The following MYO18A variants were observed in gnomAD, a reference collection of about 807,000 sequenced individuals.
The protein encoded by MYO18A is unconventional myosin-XVIIIa.
A neutral mutation model predicts 235.8 loss-of-function variants in MYO18A; 78 were observed. The ratio of observed to expected loss-of-function variants is 0.33; its 90% CI spans 0.28 to 0.40. MYO18A has a LOEUF of 0.40. MYO18A is among the 10% of genes least tolerant of loss of function. MYO18A has a pLI of 1.00. For missense variants in MYO18A, 2,215 were observed against 2,699.3 expected (o/e 0.82, Z 3.98); for synonymous variants, 977 against 1,077.8 (o/e 0.91, Z 1.83).
chr17:29,098,680 C>T, intron 23 of MYO18A, 146 bp downstream of exon 23: 1 of 1,220,244 alleles, frequency 8.2e-7, no homozygotes, highest in Non-Finnish European at 1.1e-6. Flanking sequence ...GCTCAGCCAG[C>T]ACCCCAGAGG....
chr17:29,082,059 T>C (rs1319365870), intron 41 of MYO18A, among the ~76,000 whole-genome samples: 3 of 152,092 alleles, frequency 2.0e-5, no homozygotes, highest in Non-Finnish European at 4.4e-5. Flanking sequence ...AATGAATAAG[T>C]GGAGGTGACA....
At chr17:29,131,216 A>AG (rs1172222582) in intron 2 of MYO18A, among the ~76,000 whole-genome samples, 1 of 152,184 alleles carries the variant, frequency 6.6e-6, no homozygotes, top group Non-Finnish European at 1.5e-5. Flanking sequence ...CCACACAGGA[A>AG]GGGGCCCCCT....
chr17:29,153,149 G>C (rs889313398), intron 2 of MYO18A, among the ~76,000 whole-genome samples: 1 of 151,554 alleles, frequency 6.6e-6, no homozygotes, highest in Non-Finnish European at 1.5e-5. Flanking sequence ...TTGAGACAGG[G>C]TCTTGCTCTG....
chr17:29,137,513 T>C (rs1366061797), intron 2 of MYO18A, among the ~76,000 whole-genome samples: 1 of 152,138 alleles, frequency 6.6e-6, no homozygotes, highest in Admixed American at 6.5e-5. Context: ...TCGTGAACAA[T>C]AGCCACAAAA....
chr17:29,110,524 C>G lies in MYO18A; in HGVS notation c.2999G>C (p.Arg1000Pro), dbSNP rs764393653. ...GGTTTTCCGCATGCTGGTGGCCCGG[C>G]GCAGTGCCAGCTGCGAGCCGCCCTC... is the stretch of plus-strand genomic sequence containing the variant. ...GLEGGSQLAL[R>P]RATSMRKTFT... Residue 1000 changes from arginine (R) to proline (P), a missense_variant, in exon 18 of 42, where the codon CGC (arginine) becomes CCC (proline). Coordinates refer to ENST00000527372, the MANE Select transcript of MYO18A (RefSeq NM_078471.4). The G allele has an allele frequency of 6.2e-7, 1 of 1,607,904 alleles. No individual in the cohort carries two copies. Among genetic ancestry groups the G allele is most frequent in the Non-Finnish European group, 8.5e-7 (1 of 1,177,512 alleles).
rs568498084 is a variant in MYO18A at position 29,133,516 on chromosome 17, T to C, written c.1000-11263A>G. Among the ~76,000 whole-genome samples, 34 of 151,738 alleles carry C rather than the reference T, an allele frequency of 2.2e-4. 1 individual carries two copies. The South Asian group carries it at 6.0e-3, about 27-fold the overall frequency. ...CAAGGCAGCAGGGTGGTGGGAAGGG[T>C]GTGGAGGGGTTAACCCAGAGGGACA... is the stretch of plus-strand genomic sequence containing the variant. On this transcript the variant is annotated intron_variant, in intron 2 of 41. Coordinates refer to ENST00000527372, the MANE Select transcript of MYO18A (RefSeq NM_078471.4).
intron 2 of MYO18A, among the ~76,000 whole-genome samples, chr17:29,144,902 G>A (rs1245944196): frequency 6.6e-6 from 1 of 152,126 alleles, no homozygotes; most frequent in Non-Finnish European, 1.5e-5. Context: ...TGCTCACAAA[G>A]TATAGTACAC....
intron 22 of MYO18A, 44 bp downstream of exon 22, chr17:29,099,590 C>T (rs780716371): frequency 6.3e-6 from 10 of 1,592,522 alleles, no homozygotes; most frequent in Non-Finnish European, 8.6e-6. Context: ...CTTGGCTGTG[C>T]CCATCTAGGT....
At position 29,092,440 on chromosome 17, in the gene MYO18A, A is replaced by C; in HGVS notation, c.5090T>G (p.Phe1697Cys). ...TGCTTTCACGGCTGCCGCACAGGTG[A>C]ACTCTGACTCCTCCAGCTGGACACA... ...QLKNQLEESE[F>C]TCAAAVKARK... is the part of the protein sequence containing the mutation. The change falls in exon 34 of 42, where the codon TTC (phenylalanine) becomes TGC (cysteine). Residue 1697 changes from phenylalanine (F) to cysteine (C), a missense_variant. Transcript: ENST00000527372. 6.2e-7 allele frequency: 1 copy of C among 1,611,756 alleles called. No individual in the cohort carries two copies. Among genetic ancestry groups the C allele is most frequent in the Non-Finnish European group, 8.5e-7 (1 of 1,179,686 alleles).
Position 29,166,213 on chromosome 17 carries a change from C to G in MYO18A, c.728G>C (p.Arg243Pro). The change falls in exon 2 of 42, where the codon CGG (arginine) becomes CCG (proline). Residue 243 changes from arginine (R) to proline (P), a missense_variant. Coordinates refer to ENST00000527372, the MANE Select transcript of MYO18A (RefSeq NM_078471.4). ...CCGACAGGCCTGGCCCTCGGGGCCC[C>G]GATCCAGCATGGTTGTGCGCCGCAG... ...FSLRRTTMLD[R>P]GPEGQACRRV... The G allele has an allele frequency of 6.2e-7, 1 of 1,612,844 alleles. No homozygotes were observed. The highest frequency in any genetic ancestry group is 8.5e-7 in the Non-Finnish European group (1 of 1,179,884).
rs1264100280 is a variant in MYO18A at position 29,166,078 on chromosome 17, G to A, written c.863C>T (p.Ser288Phe). Residue 288 changes from serine (S) to phenylalanine (F), a missense_variant, in exon 2 of 42, where the codon TCC becomes TTC. Coordinates refer to ENST00000527372, the MANE Select transcript of MYO18A (RefSeq NM_078471.4). ...GATCATCTCCACAATCTCATCCCTG[G>A]ACTTGCTCTCCACATTGTGCCCATT... ...EINGHNVESK[S>F]RDEIVEMIRQ... 6.2e-7 allele frequency: 1 copy of A among 1,613,668 alleles called. No homozygotes were observed. Among genetic ancestry groups the A allele is most frequent in the Non-Finnish European group, 8.5e-7 (1 of 1,179,898 alleles).
Position 29,092,323 on chromosome 17 carries a change from C to T in MYO18A, c.5187+20G>A, listed in dbSNP as rs553835238. 49 of 1,591,786 alleles carry T rather than the reference C, an allele frequency of 3.1e-5. No individual in the cohort carries two copies. In the East Asian group the frequency reaches 3.1e-4, roughly 10 times the overall value. ...TGCCTCAGCCCCCCGAGCTCTGCCC[C>T]GGGCACCTTGGCCCCTCACCGCTGT... On this transcript the variant is annotated intron_variant, in intron 34 of 41. Coordinates refer to ENST00000527372, the MANE Select transcript of MYO18A (RefSeq NM_078471.4).
intron 2 of MYO18A, among the ~76,000 whole-genome samples, chr17:29,164,698 C>T (rs542311748): frequency 4.1e-4 from 63 of 152,330 alleles, no homozygotes; most frequent in African/African-American, 1.4e-3. Context: ...GAGGTGGTCA[C>T]TTGTCCTTCG....
intron 1 of MYO18A, among the ~76,000 whole-genome samples, chr17:29,175,364 CTTT>C (rs34825590): frequency 3.8e-5 from 5 of 132,976 alleles, no homozygotes; most frequent in Non-Finnish European, 4.8e-5. Context: ...TTTATTTCAT[CTTT>C]TTTTTTTTTT....
chr17:29,120,795 C>T lies in MYO18A; in HGVS notation c.1586-37G>A, dbSNP rs374984685. The T allele has an allele frequency of 4.4e-6, 7 of 1,598,376 alleles. No individual in the cohort carries two copies. Among genetic ancestry groups the T allele is most frequent in the Non-Finnish European group, 6.0e-6 (7 of 1,170,722 alleles). On this transcript the variant is annotated intron_variant, in intron 6 of 41. Transcript: ENST00000527372. The surrounding 1 kb of genome is among the most constrained non-coding windows in gnomAD (Gnocchi z 4.2). ...AGGCCCAAGGGGATATCAGGAAAGC[C>T]AGGGGCAGCTTATCCCCCAGCTAGG...
At chr17:29,133,042 G>A (rs1381590937) in intron 2 of MYO18A, among the ~76,000 whole-genome samples, 3 of 152,204 alleles carry the variant, frequency 2.0e-5, no homozygotes, top group African/African-American at 4.8e-5. Flanking sequence ...CTTGGGTGCC[G>A]GGGTGGCCCA....
rs954077075 is a variant in MYO18A at position 29,111,635 on chromosome 17, AC to A, written c.2741-53del. ...GTCGTCAGGGTACAGGCACAAAGTG[AC>A]CCCCGCCCCCTCCCAGGGAGTGCCA... is the stretch of plus-strand genomic sequence containing the variant. On this transcript the variant is annotated intron_variant, in intron 16 of 41. Coordinates refer to ENST00000527372, the MANE Select transcript of MYO18A (RefSeq NM_078471.4). The surrounding 1 kb of genome is among the most constrained non-coding windows in gnomAD (Gnocchi z 5.1). 73 of 1,610,968 alleles carry A rather than the reference AC, an allele frequency of 4.5e-5. No homozygotes were observed. Among genetic ancestry groups the A allele is most frequent in the Middle Eastern group, 1.7e-4 (1 of 6,052 alleles).
At chr17:29,088,740 C>A (rs149105880) in intron 37 of MYO18A, among the ~76,000 whole-genome samples, 21 of 152,106 alleles carry the variant, frequency 1.4e-4, no homozygotes, top group Non-Finnish European at 2.2e-4. Flanking sequence ...TTTGGGAGAC[C>A]GAAAGAAAAA....
At chr17:29,168,734 A>G (rs2068335181) in intron 1 of MYO18A, among the ~76,000 whole-genome samples, 1 of 152,232 alleles carries the variant, frequency 6.6e-6, no homozygotes, top group South Asian at 2.1e-4. Flanking sequence ...CCCCCTGCCC[A>G]GCATCCTGAC....
Sources: allele counts gnomAD v4.1 joint callset (sites outside exome capture counted in the v4.1 genomes callset), GRCh38; gene constraint gnomAD v4.1.1; non-coding constraint Gnocchi (gnomAD v3.1); transcripts MANE v1.5; gene names NCBI Gene and HGNC (gene_info 2026-07-23, HGNC 2026-07-21).